TACC2: variants seen among roughly 807,000 people sequenced by gnomAD.
The protein encoded by TACC2 is transforming acidic coiled-coil-containing protein 2.
Under a neutral mutation model 227.3 loss-of-function variants are expected in TACC2, and 137 were observed. That is an observed-to-expected ratio of 0.60 (90% CI 0.52 to 0.69). The LOEUF (loss-of-function observed/expected upper bound fraction) is 0.69. Ranked by LOEUF, TACC2 falls within the 30% of genes least tolerant of loss-of-function variation. The probability of loss-of-function intolerance (pLI) is 0.00; values close to 1 mark genes in which losing one functional copy is unlikely to be tolerated. For synonymous variants in TACC2, 1,523 were observed against 1,487.5 expected, an observed-to-expected ratio of 1.02 and a Z score of -0.55; for missense variants, 3,470 against 3,694.4, an observed-to-expected ratio of 0.94 and a Z score of 1.57.
chr10:122,233,649 C>T (rs551166737), intron 16 of TACC2, among the ~76,000 whole-genome samples: 1 of 152,260 alleles, frequency 6.6e-6, no homozygotes, highest in East Asian at 1.9e-4. Context: ...CACATTGAGC[C>T]GAGGTTCAAA....
At chr10:122,010,779 G>A (rs1234313665) in intron 1 of TACC2, among the ~76,000 whole-genome samples, 3 of 152,312 alleles carry the variant, frequency 2.0e-5, no homozygotes, top group East Asian at 1.9e-4. Flanking sequence ...GAGAGCCTCT[G>A]GGGAAATCTT....
intron 5 of TACC2, among the ~76,000 whole-genome samples, chr10:122,102,326 A>G (rs1446784398): frequency 1.3e-5 from 2 of 152,198 alleles, no homozygotes; most frequent in Non-Finnish European, 2.9e-5. Flanking sequence ...CAGCTGGCCT[A>G]AGGCCTGCAG....
chr10:122,143,631 C>T lies in TACC2; in HGVS notation c.5759C>T (p.Ser1920Leu), dbSNP rs369648685. 3.9e-5 allele frequency: 63 copies of T among 1,614,012 alleles called. No homozygotes were observed. The highest frequency in any genetic ancestry group is 1.2e-4 in the African/African-American group (9 of 74,928). The change falls in exon 7 of 23, where the codon TCG (serine) becomes TTG (leucine). Residue 1920 changes from serine (S) to leucine (L), a missense_variant. Coordinates refer to ENST00000369005, the MANE Select transcript of TACC2 (RefSeq NM_206862.4). ...CCCTCGGCTGCAGAACACATAGTTTCGCCATCTGCCCCAGCTGGTGACAGA... is the reference window on the plus strand; with the variant it reads ...CCCTCGGCTGCAGAACACATAGTTTTGCCATCTGCCCCAGCTGGTGACAGA... Reference protein sequence around the residue: ...LPPSAAEHIVSPSAPAGDRVE... With the variant: ...LPPSAAEHIVLPSAPAGDRVE...
At chr10:122,169,742 C>G (rs769190096) in intron 7 of TACC2, among the ~76,000 whole-genome samples, 1 of 152,112 alleles carries the variant, frequency 6.6e-6, no homozygotes, top group African/African-American at 2.4e-5. Context: ...TCCCTCTCAT[C>G]TGAGCACTGT....
At chr10:122,246,572 A>G (rs1460840256) in intron 19 of TACC2, 1 of 152,220 alleles carries the variant, frequency 6.6e-6, no homozygotes, top group Non-Finnish European at 1.5e-5. Flanking sequence ...CTCAGTGAAC[A>G]GTGACTTAGC....
intron 7 of TACC2, among the ~76,000 whole-genome samples, chr10:122,165,515 C>T (rs994694282): frequency 2.0e-5 from 3 of 152,152 alleles, no homozygotes; most frequent in African/African-American, 4.8e-5. Flanking sequence ...CAGCTGAGGG[C>T]CGAGTTTAGA....
At position 122,180,205 on chromosome 10, in the gene TACC2, TCTC is replaced by T. The variant is rs1371717664; in HGVS notation, c.5835-14831_5835-14829del. ...GCTTCTTGGGTCTCCTGGCAAACTT[TCTC>T]CTCGTTGCCTGCTTTGTTTTCTTAA... On this transcript the variant is annotated intron_variant, in intron 7 of 22. Transcript: ENST00000369005. The surrounding 1 kb of genome is among the most constrained non-coding windows in gnomAD (Gnocchi z 4.5). Among the ~76,000 whole-genome samples, 1 of 152,150 alleles carries T rather than the reference TCTC, an allele frequency of 6.6e-6. No individual in the cohort carries two copies. Among genetic ancestry groups the T allele is most frequent in the African/African-American group, 2.4e-5 (1 of 41,430 alleles).
chr10:122,136,257 C>T (rs2089608213), intron 6 of TACC2, among the ~76,000 whole-genome samples: 1 of 151,892 alleles, frequency 6.6e-6, no homozygotes, highest in South Asian at 2.1e-4. Flanking sequence ...CAGCACTTCA[C>T]CTTGCCCATC....
chr10:122,059,212 G>A (rs1445180758), intron 3 of TACC2, among the ~76,000 whole-genome samples: 1 of 151,964 alleles, frequency 6.6e-6, no homozygotes, highest in African/African-American at 2.4e-5. Context: ...CACCACACCC[G>A]GGCTCCATCT....
chr10:122,098,093 A>C (rs192763223), intron 5 of TACC2, among the ~76,000 whole-genome samples: 1 of 151,364 alleles, frequency 6.6e-6, no homozygotes, highest in East Asian at 2.0e-4. Flanking sequence ...TGGTTTGTTG[A>C]CTCCCAGCCC....
At chr10:122,207,153 G>A (rs189649065) in intron 8 of TACC2, among the ~76,000 whole-genome samples, 20 of 152,180 alleles carry the variant, frequency 1.3e-4, no homozygotes, top group African/African-American at 4.3e-4. Flanking sequence ...AGAAAAATTA[G>A]CCAGGCGTGG....
intron 9 of TACC2, chr10:122,213,472 G>T: frequency 5.5e-6 from 7 of 1,275,166 alleles, no homozygotes; most frequent in Non-Finnish European, 5.7e-6. Context: ...TTCCCCTCTG[G>T]CTGCTACTGA....
chr10:122,236,288 A>G (rs2095855542), intron 16 of TACC2, among the ~76,000 whole-genome samples: 2 of 151,982 alleles, frequency 1.3e-5, no homozygotes, highest in South Asian at 4.2e-4. Flanking sequence ...TCTCTCTACT[A>G]CACTGTGGTA....
Position 122,186,678 on chromosome 10 carries a change from A to G in TACC2, c.5835-8362A>G, listed in dbSNP as rs369552642. ...CAGGTGCCCGCCACCATACCTGGCT[A>G]ATTTTTATATTTTTAGTAGAGATGG... On this transcript the variant is annotated intron_variant, in intron 7 of 22. Transcript: ENST00000369005. Among the ~76,000 whole-genome samples the G allele has an allele frequency of 1.1e-3, 166 of 152,066 alleles. 6 individuals are homozygous for G. The South Asian group carries it at 0.033, about 31-fold the overall frequency.
intron 1 of TACC2, among the ~76,000 whole-genome samples, chr10:122,008,001 C>T (rs192347088): frequency 1.3e-5 from 2 of 152,284 alleles, no homozygotes; most frequent in African/African-American, 4.8e-5. Context: ...GTCCTCCCAC[C>T]AGCAAGAAAG....
intron 1 of TACC2, among the ~76,000 whole-genome samples, chr10:122,017,030 C>A (rs1313675352): frequency 6.6e-6 from 1 of 152,058 alleles, no homozygotes. Flanking sequence ...AGACACCAAC[C>A]CGGCCAAAAC....
At chr10:122,237,853 G>C in intron 17 of TACC2, 108 bp from the exon 18 acceptor site, 1 of 842,272 alleles carries the variant, frequency 1.2e-6, no homozygotes, top group Non-Finnish European at 1.9e-6. Flanking sequence ...GTTGTAGGAA[G>C]TTTTCATTCC....
intron 3 of TACC2, among the ~76,000 whole-genome samples, chr10:122,069,000 C>A (rs1273485301): frequency 8.4e-6 from 1 of 119,736 alleles, no homozygotes; most frequent in Admixed American, 8.7e-5. Flanking sequence ...GCGGGCCCAA[C>A]CTTTCAGGTG....
At chr10:122,208,495 G>T (rs2095200326) in intron 8 of TACC2, among the ~76,000 whole-genome samples, 1 of 152,224 alleles carries the variant, frequency 6.6e-6, no homozygotes, top group Admixed American at 6.5e-5. Context: ...TCGACAGGAA[G>T]AGACCAGTTC....
Sources: allele counts gnomAD v4.1 joint callset (sites outside exome capture counted in the v4.1 genomes callset), GRCh38; gene constraint gnomAD v4.1.1; non-coding constraint Gnocchi (gnomAD v3.1); transcripts MANE v1.5; gene names NCBI Gene and HGNC (gene_info 2026-07-23, HGNC 2026-07-21).